ERBB4: variants seen among roughly 807,000 people sequenced by gnomAD.
ERBB4 encodes the protein receptor tyrosine-protein kinase erbB-4.
In ERBB4, 42 loss-of-function variants were observed where a neutral mutation model predicts 158.0. That is an observed-to-expected ratio of 0.27 (90% CI 0.21 to 0.34). ERBB4 has a LOEUF of 0.34. Among genes scored for constraint, ERBB4 ranks in the 10% least tolerant of loss-of-function variants. The pLI is 1.00. For missense variants in ERBB4, 1,333 were observed against 1,624.1 expected (o/e 0.82, Z 3.08); for synonymous variants, 583 against 558.7 (o/e 1.04, Z -0.61).
rs201675120 is a variant in ERBB4 at position 211,511,714 on chromosome 2, G to C, written c.2487+50189C>G. ...ATATCAAAAAAGAATCCTTTCTAGA[G>C]AGAAAAAGCATTAAAAAAAGAGAAA... On this transcript the variant is annotated intron_variant, in intron 20 of 27. Transcript: ENST00000342788. 4.6e-4 allele frequency among the ~76,000 whole-genome samples: 70 copies of C among 151,958 alleles called. No homozygotes were observed. In the East Asian group the frequency reaches 0.011, roughly 25 times the overall value.
intron 1 of ERBB4, among the ~76,000 whole-genome samples, chr2:212,308,312 T>C (rs1316071943): frequency 2.6e-5 from 4 of 151,132 alleles, no homozygotes; most frequent in Non-Finnish European, 5.9e-5. Flanking sequence ...TTCTCATTCA[T>C]ACATTCTTTG....
At chr2:211,802,702 C>T (rs2076527791) in intron 3 of ERBB4, among the ~76,000 whole-genome samples, 3 of 152,188 alleles carry the variant, frequency 2.0e-5, no homozygotes, top group Admixed American at 2.0e-4. Flanking sequence ...TAAATTGCAA[C>T]TGAAGGAAGC....
At chr2:211,395,139 C>T (rs1030567288) in intron 25 of ERBB4, among the ~76,000 whole-genome samples, 18 of 152,108 alleles carry the variant, frequency 1.2e-4, no homozygotes, top group African/African-American at 3.9e-4. Flanking sequence ...TTTTCAAAGT[C>T]GACTCATCGC....
At chr2:212,182,713 G>A (rs2081907044) in intron 1 of ERBB4, among the ~76,000 whole-genome samples, 1 of 151,836 alleles carries the variant, frequency 6.6e-6, no homozygotes, top group Non-Finnish European at 1.5e-5. Context: ...ATAGGTGGGA[G>A]TTTTCACAGC....
At chr2:211,924,974 G>T (rs575294569) in intron 3 of ERBB4, among the ~76,000 whole-genome samples, 126 of 152,288 alleles carry the variant, frequency 8.3e-4, no homozygotes, top group African/African-American at 3.0e-3. Flanking sequence ...ATAGTAAAGT[G>T]TCTGAGCTCC....
chr2:211,746,873 A>C (rs1482546702), intron 5 of ERBB4, among the ~76,000 whole-genome samples: 2 of 151,942 alleles, frequency 1.3e-5, no homozygotes, highest in Non-Finnish European at 2.9e-5. Flanking sequence ...TACTAGAAGA[A>C]CATCGTGTTT....
chr2:211,754,184 A>C (rs1367431269), intron 4 of ERBB4, among the ~76,000 whole-genome samples: 2 of 152,096 alleles, frequency 1.3e-5, no homozygotes, highest in Non-Finnish European at 2.9e-5. Context: ...CATCTGAAAA[A>C]GAGATCTTAT....
chr2:211,982,565 T>G (rs1253342826), intron 2 of ERBB4, among the ~76,000 whole-genome samples: 2 of 152,136 alleles, frequency 1.3e-5, no homozygotes, highest in African/African-American at 4.8e-5. Context: ...CGCACAGCCT[T>G]GCAAGCCACT....
intron 20 of ERBB4, among the ~76,000 whole-genome samples, chr2:211,477,943 G>T (rs938119293): frequency 6.6e-6 from 1 of 152,132 alleles, no homozygotes; most frequent in Non-Finnish European, 1.5e-5. Context: ...GGTGGGTTGA[G>T]AAAGCACTTC....
At chr2:211,917,847 T>C (rs1312654205) in intron 3 of ERBB4, among the ~76,000 whole-genome samples, 1 of 152,164 alleles carries the variant, frequency 6.6e-6, no homozygotes, top group African/African-American at 2.4e-5. Flanking sequence ...TGTGTTTTGA[T>C]CTCACCTGAG....
At chr2:212,084,053 T>G (rs1265511673) in intron 2 of ERBB4, among the ~76,000 whole-genome samples, 1 of 151,896 alleles carries the variant, frequency 6.6e-6, no homozygotes, top group African/African-American at 2.4e-5. Context: ...AAGATAATCA[T>G]GAAGGTAAAT....
At chr2:211,527,715 A>G (rs772705161) in intron 20 of ERBB4, among the ~76,000 whole-genome samples, 1 of 152,066 alleles carries the variant, frequency 6.6e-6, no homozygotes, top group Non-Finnish European at 1.5e-5. Context: ...AGAGGGAGGA[A>G]GTTAAAGTGT....
intron 16 of ERBB4, among the ~76,000 whole-genome samples, chr2:211,640,037 A>G (rs2070515350): frequency 6.6e-6 from 1 of 152,102 alleles, no homozygotes; most frequent in South Asian, 2.1e-4. Context: ...AAACATTTTT[A>G]AAGTAATAGC....
At chr2:211,472,929 T>G (rs2064864545) in intron 20 of ERBB4, among the ~76,000 whole-genome samples, 1 of 145,892 alleles carries the variant, frequency 6.9e-6, no homozygotes, top group South Asian at 2.3e-4. Flanking sequence ...TGATAATTAA[T>G]ATTTATTATT....
chr2:211,810,827 C>T (rs533424352), intron 3 of ERBB4, among the ~76,000 whole-genome samples: 2,295 of 151,906 alleles, frequency 0.015, 71 homozygotes, highest in African/African-American at 0.053. Flanking sequence ...CGCCCGCCAC[C>T]GCGCCCGGCT....
chr2:211,631,784 A>G (rs969783628), intron 16 of ERBB4, among the ~76,000 whole-genome samples: 1 of 152,252 alleles, frequency 6.6e-6, no homozygotes, highest in African/African-American at 2.4e-5. Flanking sequence ...GGAAGCCACA[A>G]TGGATATCAA....
chr2:212,246,716 G>A (rs985130698), intron 1 of ERBB4, among the ~76,000 whole-genome samples: 12 of 152,066 alleles, frequency 7.9e-5, no homozygotes, highest in African/African-American at 2.2e-4. Context: ...AATTAGAAAC[G>A]TGATGCTGAG....
At chr2:212,286,208 C>T (rs901383449) in intron 1 of ERBB4, among the ~76,000 whole-genome samples, 1 of 152,092 alleles carries the variant, frequency 6.6e-6, no homozygotes, top group Non-Finnish European at 1.5e-5. Flanking sequence ...TTACGGTTTA[C>T]TGAAGCATTA....
intron 1 of ERBB4, among the ~76,000 whole-genome samples, chr2:212,395,902 C>T (rs755148372): frequency 2.0e-5 from 3 of 152,080 alleles, no homozygotes; most frequent in South Asian, 2.1e-4. Flanking sequence ...CAGGTGTGAG[C>T]GACCACGCCC....
Sources: allele counts gnomAD v4.1 joint callset (sites outside exome capture counted in the v4.1 genomes callset), GRCh38; gene constraint gnomAD v4.1.1; transcripts MANE v1.5; gene names NCBI Gene and HGNC (gene_info 2026-07-23, HGNC 2026-07-21).